Variants in EVL observed in about 807,000 individuals in gnomAD.
EVL encodes ena/VASP-like protein.
A neutral mutation model predicts 59.6 loss-of-function variants in EVL; 21 were observed. That is an observed-to-expected ratio of 0.35 (90% CI 0.25 to 0.51). EVL has a LOEUF of 0.51. EVL is among the 20% of genes least tolerant of loss of function. EVL has a pLI of 0.97. For synonymous variants in EVL, 198 were observed against 203.5 expected (o/e 0.97, Z 0.23); for missense variants, 462 against 546.6 (o/e 0.85, Z 1.54).
chr14:99,971,986 G>A, exon 1 of EVL: 1 of 124,392 alleles, frequency 8.0e-6, no homozygotes, highest in Non-Finnish European at 1.6e-5. Context: ...CGCGTCCCGC[G>A]CCCCGCCGCC....
intron 1 of EVL, among the ~76,000 whole-genome samples, chr14:99,995,551 A>G (rs1251492770): frequency 6.6e-6 from 1 of 152,084 alleles, no homozygotes; most frequent in Non-Finnish European, 1.5e-5. Context: ...GCATCCTTAC[A>G]GTGGCTATTT....
chr14:100,084,256 T>A (rs1164434648), intron 1 of EVL, among the ~76,000 whole-genome samples: 3 of 152,090 alleles, frequency 2.0e-5, no homozygotes, highest in Non-Finnish European at 4.4e-5. Context: ...TCTCACCATG[T>A]TGGTCAGGTT....
At chr14:100,141,299 G>T in intron 12 of EVL, 53 bp downstream of exon 12, 1 of 1,598,492 alleles carries the variant, frequency 6.3e-7, no homozygotes. Flanking sequence ...CCAGCAGGCG[G>T]GGGACCGTCT....
At chr14:100,078,808 A>G (rs1426975669) in intron 1 of EVL, among the ~76,000 whole-genome samples, 1 of 151,970 alleles carries the variant, frequency 6.6e-6, no homozygotes, top group East Asian at 1.9e-4. Context: ...CCTACCTCCT[A>G]GGAAACCCTT....
chr14:100,114,955 T>C lies in EVL; in HGVS notation c.359-8584T>C. Among the ~76,000 whole-genome samples, 1 of 152,016 alleles carries C rather than the reference T, an allele frequency of 6.6e-6. No homozygotes were observed. Among genetic ancestry groups the C allele is most frequent in the East Asian group, 1.9e-4 (1 of 5,176 alleles). Reference sequence around the variant, plus strand: ...AGCAGCACCGTTCACTGGAGGCACATGACCTCGGGTAGCTTTTCCGAGCCT... The same window carrying C: ...AGCAGCACCGTTCACTGGAGGCACACGACCTCGGGTAGCTTTTCCGAGCCT... On this transcript the variant is annotated intron_variant, in intron 3 of 13. Coordinates refer to ENST00000392920, the MANE Select transcript of EVL (RefSeq NM_016337.3). This position sits in a 1 kb window ranked among gnomAD's most constrained non-coding sequence, Gnocchi z 5.0.
At chr14:100,046,437 C>A (rs1227626343) in intron 1 of EVL, among the ~76,000 whole-genome samples, 1 of 152,048 alleles carries the variant, frequency 6.6e-6, no homozygotes, top group Non-Finnish European at 1.5e-5. Context: ...GAGGCCCAGG[C>A]GGGCAGATCA....
upstream of EVL, among the ~76,000 whole-genome samples, chr14:100,064,553 T>A (rs2061892782): frequency 1.3e-5 from 2 of 152,362 alleles, no homozygotes; most frequent in South Asian, 4.1e-4. Flanking sequence ...GACTTAAATG[T>A]CATCATTAGA....
intron 3 of EVL, among the ~76,000 whole-genome samples, chr14:100,098,486 C>T (rs1158753739): frequency 2.6e-5 from 4 of 152,202 alleles, no homozygotes; most frequent in African/African-American, 9.7e-5. Flanking sequence ...TGAAAGGCCC[C>T]AAATACCTGG....
At chr14:100,132,827 G>A (rs941897) in intron 8 of EVL, 48 bp downstream of exon 8, 931,933 of 1,602,160 alleles carry the variant, frequency 0.58, 273,835 homozygotes, top group Admixed American at 0.63. Flanking sequence ...TGAGATGAGC[G>A]CATCGCCAGG....
At chr14:100,093,343 C>T (rs1375660521) in intron 2 of EVL, among the ~76,000 whole-genome samples, 1 of 152,172 alleles carries the variant, frequency 6.6e-6, no homozygotes, top group African/African-American at 2.4e-5. Flanking sequence ...TTATCTTCAT[C>T]TTACATGTGA....
chr14:100,048,046 T>C (rs1031799194), intron 1 of EVL, among the ~76,000 whole-genome samples: 6 of 152,214 alleles, frequency 3.9e-5, no homozygotes, highest in East Asian at 1.9e-4. Context: ...ACAATCTTCA[T>C]GACCTGGGAT....
At chr14:100,102,894 A>G (rs1886313614) in intron 3 of EVL, among the ~76,000 whole-genome samples, 1 of 152,136 alleles carries the variant, frequency 6.6e-6, no homozygotes. Context: ...TCAAGAGATC[A>G]AGACCATCCT....
intron 3 of EVL, among the ~76,000 whole-genome samples, chr14:100,119,786 C>G (rs994155495): frequency 1.3e-5 from 2 of 152,182 alleles, no homozygotes; most frequent in East Asian, 1.9e-4. Flanking sequence ...GATGAGGGCA[C>G]AGCAGCTTGC....
chr14:100,082,782 AC>A (rs2062340091), intron 1 of EVL, among the ~76,000 whole-genome samples: 1 of 152,200 alleles, frequency 6.6e-6, no homozygotes, highest in African/African-American at 2.4e-5. Flanking sequence ...AGCATCTCAG[AC>A]CACATCACAG....
At chr14:100,022,316 C>T (rs1195446840) in intron 1 of EVL, among the ~76,000 whole-genome samples, 4 of 147,672 alleles carry the variant, frequency 2.7e-5, no homozygotes, top group African/African-American at 1.0e-4. Flanking sequence ...CACTCTCTGT[C>T]ACCCGGGCTG....
chr14:100,017,430 G>A (rs563283048), intron 1 of EVL, among the ~76,000 whole-genome samples: 8 of 152,256 alleles, frequency 5.3e-5, no homozygotes, highest in African/African-American at 1.4e-4. Context: ...AGAGCTGTCC[G>A]GTTAGAGATC....
chr14:100,001,190 A>G (rs958393392), intron 1 of EVL, among the ~76,000 whole-genome samples: 1 of 152,192 alleles, frequency 6.6e-6, no homozygotes, highest in Non-Finnish European at 1.5e-5. Flanking sequence ...TTTCTTCTGA[A>G]GTTTAGTTGT....
chr14:100,132,140 G>A (rs989768281), intron 7 of EVL, among the ~76,000 whole-genome samples: 7 of 151,630 alleles, frequency 4.6e-5, no homozygotes, highest in African/African-American at 9.7e-5. Flanking sequence ...TACATGAAAC[G>A]GGGATTCATA....
At chr14:100,140,822 G>A (rs1383159187) in intron 11 of EVL, 1 of 186,304 alleles carries the variant, frequency 5.4e-6, no homozygotes, top group Non-Finnish European at 1.1e-5. Context: ...CCCACCCTGA[G>A]GAGGAGGCTG....
Sources: gnomAD v4.1 joint callset for allele counts (sites outside exome capture counted in the v4.1 genomes callset) on GRCh38, gnomAD v4.1.1 for gene constraint, Gnocchi (gnomAD v3.1) non-coding constraint, MANE v1.5 for transcripts, NCBI Gene and HGNC (gene_info 2026-07-23, HGNC 2026-07-21) for gene names.